The following TAF4B variants were observed in gnomAD, a reference collection of about 807,000 sequenced individuals.
The protein encoded by TAF4B is transcription initiation factor TFIID subunit 4B.
In TAF4B, 38 loss-of-function variants were observed where a neutral mutation model predicts 86.4. The ratio of observed to expected loss-of-function variants is 0.44; its 90% CI spans 0.34 to 0.58. TAF4B has a LOEUF of 0.58. Among genes scored for constraint, TAF4B ranks in the 20% least tolerant of loss-of-function variants. The probability of loss-of-function intolerance (pLI) is 0.02; values close to 1 mark genes in which losing one functional copy is unlikely to be tolerated. For synonymous variants in TAF4B, 388 were observed against 391.2 expected, an observed-to-expected ratio of 0.99 and a Z score of 0.10; for missense variants, 988 against 1,027.6, an observed-to-expected ratio of 0.96 and a Z score of 0.53.
rs376466658 is a variant in TAF4B, at chr18:26,327,343, T to G, written c.2259+203T>G. 3.3e-5 allele frequency among the ~76,000 whole-genome samples: 5 copies of G among 152,340 alleles called. No individual in the cohort carries two copies. The East Asian group carries it at 9.6e-4, about 29-fold the overall frequency. On this transcript the variant is annotated intron_variant, in intron 12 of 14. Transcript: ENST00000269142. ...TTTAGTTTAATGAGTCATAATCTTT[T>G]GTCTTCTCACATTTCCTGTGTGCTC...
intron 1 of TAF4B, among the ~76,000 whole-genome samples, chr18:26,251,933 C>T (rs1028289996): frequency 6.6e-6 from 1 of 152,186 alleles, no homozygotes; most frequent in Non-Finnish European, 1.5e-5. Flanking sequence ...ATATTGCCTC[C>T]TACTGATGTT....
intron 3 of TAF4B, among the ~76,000 whole-genome samples, chr18:26,272,001 C>T (rs1327424291): frequency 1.3e-5 from 2 of 150,082 alleles, no homozygotes; most frequent in East Asian, 3.9e-4. Context: ...AAAAAAAACT[C>T]AGCAAAGCCA....
chr18:26,324,476 A>G (rs1463617375), intron 11 of TAF4B, among the ~76,000 whole-genome samples: 3 of 152,236 alleles, frequency 2.0e-5, no homozygotes, highest in African/African-American at 4.8e-5. Context: ...ATAATTTACA[A>G]TGGAATAGAA....
chr18:26,285,689 A>G (rs1028793959), intron 6 of TAF4B, among the ~76,000 whole-genome samples, 193 bp from the exon 7 acceptor site: 6 of 152,364 alleles, frequency 3.9e-5, no homozygotes, highest in Middle Eastern at 6.8e-3. Flanking sequence ...ATTGGAAAAC[A>G]GGCACTTGGG....
At chr18:26,280,928 A>G (rs1442832034) in intron 5 of TAF4B, among the ~76,000 whole-genome samples, 1 of 152,210 alleles carries the variant, frequency 6.6e-6, no homozygotes, top group Non-Finnish European at 1.5e-5. Context: ...GGTTGGATAA[A>G]TAAAAAGTGG....
At chr18:26,243,079 G>A (rs993843237) in intron 1 of TAF4B, among the ~76,000 whole-genome samples, 7 of 152,044 alleles carry the variant, frequency 4.6e-5, no homozygotes, top group South Asian at 4.1e-4. Flanking sequence ...TGCTCTTCTC[G>A]AGGAGTATCT....
chr18:26,226,505 G>C lies in TAF4B; in HGVS notation c.-429G>C, dbSNP rs2055575906. The C allele has an allele frequency of 6.5e-6, 1 of 154,680 alleles. No individual in the cohort carries two copies. The highest frequency in any genetic ancestry group is 2.1e-4 in the South Asian group (1 of 4,870). 9.6% of individuals were successfully genotyped at this position (154,680 alleles called of 1,614,324 possible). ...CGGGGCCGTGCCAATCGCGCGTAGGGGGCTGTGGGCACTCGGGGTTCGTAG... is the reference window on the plus strand; with the variant it reads ...CGGGGCCGTGCCAATCGCGCGTAGGCGGCTGTGGGCACTCGGGGTTCGTAG... On this transcript the variant is annotated 5_prime_UTR_variant, in exon 1 of 15. Coordinates refer to ENST00000269142, the MANE Select transcript of TAF4B (RefSeq NM_005640.3).
chr18:26,333,993 A>T (rs117871029), intron 12 of TAF4B, among the ~76,000 whole-genome samples: 3,707 of 152,010 alleles, frequency 0.024, 128 homozygotes, highest in Admixed American at 0.098. Flanking sequence ...GCAAAATATT[A>T]TATACACACC....
chr18:26,248,963 G>A (rs182913064), intron 1 of TAF4B, among the ~76,000 whole-genome samples: 1 of 151,466 alleles, frequency 6.6e-6, no homozygotes, highest in African/African-American at 2.4e-5. Flanking sequence ...CATGACGTCA[G>A]GAGATCAAGA....
At position 26,315,511 on chromosome 18, in the gene TAF4B, T is replaced by C. The variant is rs186449622; in HGVS notation, c.2002+113T>C. 1,081 of 658,130 alleles carry C rather than the reference T, an allele frequency of 1.6e-3. 1 individual carries two copies. Among genetic ancestry groups the C allele is most frequent in the Admixed American group, 2.9e-3 (88 of 30,134 alleles). The allele number at this position is 658,130 out of a possible 1,614,324, so 40.8% of individuals were successfully genotyped here. A position where few individuals can be genotyped will look rare whatever the true frequency, so the allele number is the denominator to read the frequency against. ...CTGGAACTCTGAGGCTTAAATAAGA[T>C]TCTAGAAATAATCAAGATTTCATGG... is the stretch of plus-strand genomic sequence containing the variant. On this transcript the variant is annotated intron_variant, in intron 10 of 14. Transcript: ENST00000269142.
intron 12 of TAF4B, among the ~76,000 whole-genome samples, chr18:26,329,927 C>T (rs1222606379): frequency 3.3e-5 from 5 of 152,172 alleles, no homozygotes; most frequent in Non-Finnish European, 2.9e-5. Context: ...ACCTCAGCCC[C>T]CCAAGTAGTT....
Position 26,336,739 on chromosome 18 carries a change from C to T in TAF4B, c.2316+1508C>T, listed in dbSNP as rs928220054. 2.6e-4 allele frequency among the ~76,000 whole-genome samples: 39 copies of T among 152,218 alleles called. 4 individuals carry two copies. Among genetic ancestry groups the T allele is most frequent in the Admixed American group, 2.0e-3 (30 of 15,278 alleles). Reference sequence around the variant, plus strand: ...TACTGTTGCTCTGAATCATGGGTATCCCACCTTGTTTTAATTAAGGACTGA... The same window carrying T: ...TACTGTTGCTCTGAATCATGGGTATTCCACCTTGTTTTAATTAAGGACTGA... On this transcript the variant is annotated intron_variant, in intron 13 of 14. Coordinates refer to ENST00000269142, the MANE Select transcript of TAF4B (RefSeq NM_005640.3).
rs554516350 is a variant in TAF4B, at chr18:26,341,027, A to G, written c.2316+5796A>G. On this transcript the variant is annotated intron_variant, in intron 13 of 14. Coordinates refer to ENST00000269142, the MANE Select transcript of TAF4B (RefSeq NM_005640.3). ...AGATTCATAAGAAGATTGCGTGCAT[A>G]CTTTATTTTGATGTGTAGGATCTAT... is the stretch of plus-strand genomic sequence containing the variant. Among the ~76,000 whole-genome samples the G allele has an allele frequency of 2.6e-5, 4 of 152,220 alleles. No homozygotes were observed. In the South Asian group the frequency reaches 8.3e-4, roughly 32 times the overall value.
At position 26,265,260 on chromosome 18, in the gene TAF4B, C is replaced by A. The variant is rs546347240; in HGVS notation, c.434C>A (p.Thr145Asn). The A allele has an allele frequency of 1.9e-6, 3 of 1,614,100 alleles. No homozygotes were observed. Among genetic ancestry groups the A allele is most frequent in the African/African-American group, 2.7e-5 (2 of 75,008 alleles). The change falls in exon 2 of 15, where the codon ACC becomes AAC. Residue 145 changes from threonine to asparagine, a missense_variant. By Grantham distance (65) the Thr-to-Asn change is moderately conservative. This residue lies in a region of TAF4B where 747 missense variants were observed against 737.9 expected (regional missense o/e 1.01). Transcript: ENST00000269142. ...AGAGCCGAGACCACAAGTAACATAA[C>A]CTCAAGGCCAGCAGTACCAGCGAAT... ...VTRAETTSNI[T>N]SRPAVPANPQ...
At chr18:26,269,615 CAG>C (rs2144551869) in intron 3 of TAF4B, among the ~76,000 whole-genome samples, 1 of 152,294 alleles carries the variant, frequency 6.6e-6, no homozygotes, top group East Asian at 1.9e-4. Flanking sequence ...TTTCATCTAA[CAG>C]AAATGATGAG....
At chr18:26,312,393 C>G (rs1307466053) in intron 9 of TAF4B, among the ~76,000 whole-genome samples, 2 of 152,058 alleles carry the variant, frequency 1.3e-5, no homozygotes, top group African/African-American at 4.8e-5. Context: ...AGTAGGGGTC[C>G]TCCTCTACGC....
chr18:26,227,351 G>C, intron 1 of TAF4B, 75 bp downstream of exon 1: 1 of 1,398,874 alleles, frequency 7.1e-7, no homozygotes, highest in Non-Finnish European at 9.9e-7. Flanking sequence ...GCTCCAGATT[G>C]CTCCTAAAAA....
intron 9 of TAF4B, chr18:26,295,274 G>A: frequency 3.0e-6 from 1 of 335,934 alleles, no homozygotes; most frequent in Non-Finnish European, 5.9e-6. Flanking sequence ...TTGGTTGGAT[G>A]AAGTTCATCT....
chr18:26,263,366 G>A (rs1320199666), intron 1 of TAF4B, among the ~76,000 whole-genome samples: 1 of 152,170 alleles, frequency 6.6e-6, no homozygotes, highest in African/African-American at 2.4e-5. Flanking sequence ...CCACCACCAA[G>A]ATGTTAGAAT....
Sources: gnomAD v4.1 joint callset for allele counts (sites outside exome capture counted in the v4.1 genomes callset) on GRCh38, gnomAD v4.1.1 for gene constraint, gnomAD v4.1.1 regional missense constraint, MANE v1.5 for transcripts, NCBI Gene and HGNC (gene_info 2026-07-23, HGNC 2026-07-21) for gene names.